Variants in MGMT observed in about 807,000 individuals in gnomAD.
The protein encoded by MGMT is methylated-DNA--protein-cysteine methyltransferase.
A neutral mutation model predicts 15.9 loss-of-function variants in MGMT; 14 were observed. The ratio of observed to expected loss-of-function variants is 0.88; its 90% CI spans 0.58 to 1.37. The LOEUF is 1.37. MGMT is among the 40% of genes most tolerant of loss of function. The probability of loss-of-function intolerance (pLI) is 0.00; values close to 1 mark genes in which losing one functional copy is unlikely to be tolerated. For synonymous variants in MGMT, 130 were observed against 118.2 expected (o/e 1.10, Z -0.65); for missense variants, 282 against 268.1 (o/e 1.05, Z -0.36).
chr10:129,496,314 A>G (rs956506210), intron 1 of MGMT, among the ~76,000 whole-genome samples: 3 of 152,084 alleles, frequency 2.0e-5, no homozygotes, highest in African/African-American at 2.4e-5. Flanking sequence ...GTTGTATGCT[A>G]TTTGCCTTTT....
At chr10:129,494,335 T>C (rs551081345) in intron 1 of MGMT, among the ~76,000 whole-genome samples, 61 of 152,316 alleles carry the variant, frequency 4.0e-4, no homozygotes, top group African/African-American at 1.4e-3. Context: ...GACCTTGAAC[T>C]GTCCAGACAA....
intron 1 of MGMT, among the ~76,000 whole-genome samples, chr10:129,488,004 TACACACACAC>T (rs373298935): frequency 0.097 from 11,807 of 121,328 alleles, 554 homozygotes; most frequent in East Asian, 0.2. Context: ...CACATAGGTA[TACACACACAC>T]ACACACACAC....
intron 2 of MGMT, among the ~76,000 whole-genome samples, chr10:129,657,703 ACACG>A (rs1246758775): frequency 8.8e-5 from 11 of 124,510 alleles, no homozygotes; most frequent in African/African-American, 1.7e-4. Flanking sequence ...ACACACACAC[ACACG>A]CACACACACA....
chr10:129,577,937 CACCATCACT>C (rs1273190507), intron 2 of MGMT, among the ~76,000 whole-genome samples: 2 of 152,212 alleles, frequency 1.3e-5, no homozygotes, highest in Non-Finnish European at 2.9e-5. Context: ...AAAAAATGCT[CACCATCACT>C]GGCCATCAGA....
At chr10:129,515,152 CCAG>C (rs67891007) in intron 1 of MGMT, among the ~76,000 whole-genome samples, 22,182 of 152,154 alleles carry the variant, frequency 0.15, 2,161 homozygotes, top group East Asian at 0.33. Flanking sequence ...TGCTGACTGT[CCAG>C]CAGCAGCAGA....
At chr10:129,689,902 G>A (rs750887996) in intron 2 of MGMT, among the ~76,000 whole-genome samples, 4 of 152,192 alleles carry the variant, frequency 2.6e-5, no homozygotes, top group African/African-American at 4.8e-5. Flanking sequence ...CTAAAACTGC[G>A]TAATACTGGA....
chr10:129,474,908 G>A lies in MGMT; in HGVS notation c.-13+7612G>A, dbSNP rs145306494. 1.2e-3 allele frequency among the ~76,000 whole-genome samples: 176 copies of A among 152,228 alleles called. 1 individual carries two copies. The East Asian group carries it at 0.024, about 21-fold the overall frequency. ...TGGCCTTGTCTTCAAGGGGCTCCCCGTGTGGTAGGGAGACGTGCTTGTCAC... is the reference window on the plus strand; with the variant it reads ...TGGCCTTGTCTTCAAGGGGCTCCCCATGTGGTAGGGAGACGTGCTTGTCAC... On this transcript the variant is annotated intron_variant, in intron 1 of 4. Coordinates refer to ENST00000651593, the MANE Select transcript of MGMT (RefSeq NM_002412.5).
At chr10:129,618,036 C>T (rs77564667) in intron 2 of MGMT, among the ~76,000 whole-genome samples, 3,938 of 152,088 alleles carry the variant, frequency 0.026, 89 homozygotes, top group South Asian at 0.062. Context: ...CCACTGTCTC[C>T]GGGATTCTTG....
At chr10:129,683,292 C>A (rs567592749) in intron 2 of MGMT, among the ~76,000 whole-genome samples, 3 of 152,150 alleles carry the variant, frequency 2.0e-5, no homozygotes, top group Non-Finnish European at 4.4e-5. Flanking sequence ...AAAGTGAGCC[C>A]TAAAGCCAAA....
At chr10:129,706,740 C>G (rs1025649502) in intron 2 of MGMT, among the ~76,000 whole-genome samples, 4 of 152,164 alleles carry the variant, frequency 2.6e-5, no homozygotes, top group Non-Finnish European at 5.9e-5. Context: ...TCCACAGCCC[C>G]AGGTGGCAGC....
chr10:129,585,598 A>T (rs941670250), intron 2 of MGMT, among the ~76,000 whole-genome samples: 3 of 152,208 alleles, frequency 2.0e-5, no homozygotes, highest in African/African-American at 7.2e-5. Context: ...ATTACTTATG[A>T]TACCTAATGC....
chr10:129,741,344 C>T (rs1237739919), intron 3 of MGMT, among the ~76,000 whole-genome samples: 1 of 152,208 alleles, frequency 6.6e-6, no homozygotes, highest in Non-Finnish European at 1.5e-5. Context: ...CATTGAACGG[C>T]AACACCCGGG....
intron 2 of MGMT, among the ~76,000 whole-genome samples, chr10:129,650,036 A>C (rs917465479): frequency 7.9e-5 from 12 of 152,314 alleles, no homozygotes; most frequent in Admixed American, 5.2e-4. Flanking sequence ...CACTTGAGAA[A>C]TATTTTTGAT....
At chr10:129,537,553 T>G (rs919958583) in intron 2 of MGMT, among the ~76,000 whole-genome samples, 5 of 152,150 alleles carry the variant, frequency 3.3e-5, no homozygotes, top group African/African-American at 1.2e-4. Flanking sequence ...TCATAGAAAT[T>G]ATGTGTTGGT....
At chr10:129,675,103 GA>G in intron 2 of MGMT, among the ~76,000 whole-genome samples, 1 of 152,200 alleles carries the variant, frequency 6.6e-6, no homozygotes, top group Non-Finnish European at 1.5e-5. Flanking sequence ...GCACTTGGGG[GA>G]CCCGAGGAGG....
At chr10:129,580,710 C>G (rs917577218) in intron 2 of MGMT, among the ~76,000 whole-genome samples, 1 of 152,208 alleles carries the variant, frequency 6.6e-6, no homozygotes, top group Non-Finnish European at 1.5e-5. Flanking sequence ...GCTTGTCCCC[C>G]GACCACAGAC....
At chr10:129,679,319 G>C (rs894333708) in intron 2 of MGMT, among the ~76,000 whole-genome samples, 1 of 151,880 alleles carries the variant, frequency 6.6e-6, no homozygotes, top group Non-Finnish European at 1.5e-5. Flanking sequence ...GGGACCCTGC[G>C]GGCTTCCAGA....
At chr10:129,765,230 T>C (rs1342802025) in intron 4 of MGMT, among the ~76,000 whole-genome samples, 1 of 152,186 alleles carries the variant, frequency 6.6e-6, no homozygotes, top group Non-Finnish European at 1.5e-5. Flanking sequence ...GGATGAAGGC[T>C]GTTGCCTGGG....
chr10:129,601,488 C>T (rs899425223), intron 2 of MGMT, among the ~76,000 whole-genome samples: 2 of 152,174 alleles, frequency 1.3e-5, no homozygotes, highest in Non-Finnish European at 2.9e-5. Context: ...GTCCAGCCTT[C>T]CTGGCAGTGT....
Sources: gnomAD v4.1 joint callset for allele counts (sites outside exome capture counted in the v4.1 genomes callset) on GRCh38, gnomAD v4.1.1 for gene constraint, MANE v1.5 for transcripts, NCBI Gene and HGNC (gene_info 2026-07-23, HGNC 2026-07-21) for gene names.